The following RGS7 variants were observed in gnomAD, a reference collection of about 807,000 sequenced individuals.
The protein encoded by RGS7 is regulator of G protein signaling 7.
RGS7 carries 27 observed loss-of-function variants against 81.1 expected under a neutral mutation model. The observed-to-expected ratio is 0.33, with a 90% confidence interval of 0.25 to 0.46. The LOEUF (loss-of-function observed/expected upper bound fraction) is 0.46, where lower values mean the gene tolerates loss of function less well. Among genes scored for constraint, RGS7 ranks in the 20% least tolerant of loss-of-function variants. RGS7 has a pLI of 1.00. For missense variants in RGS7, 396 were observed against 607.4 expected (o/e 0.65, Z 3.66); for synonymous variants, 208 against 207.7 (o/e 1.00, Z -0.01).
intron 9 of RGS7, among the ~76,000 whole-genome samples, chr1:240,859,659 A>T (rs1290560958): frequency 6.6e-6 from 1 of 151,854 alleles, no homozygotes; most frequent in Non-Finnish European, 1.5e-5. Flanking sequence ...TTTCCAAAAA[A>T]AGTTTTGATT....
intron 2 of RGS7, among the ~76,000 whole-genome samples, chr1:241,159,335 G>A (rs778940969): frequency 1.3e-5 from 2 of 151,760 alleles, no homozygotes; most frequent in African/African-American, 4.8e-5. Context: ...CCTCCTAATC[G>A]CCATGTTTTC....
intron 2 of RGS7, among the ~76,000 whole-genome samples, chr1:241,127,290 A>G (rs565284131): frequency 4.6e-5 from 7 of 152,360 alleles, no homozygotes; most frequent in Admixed American, 1.3e-4. Flanking sequence ...CAATATAAAA[A>G]GTAACCATAT....
chr1:240,836,273 CCAAA>C (rs1216408389), intron 9 of RGS7, among the ~76,000 whole-genome samples: 4 of 152,068 alleles, frequency 2.6e-5, no homozygotes, highest in Admixed American at 6.5e-5. Context: ...TAAAAAGCAA[CCAAA>C]CAAACAACTC....
chr1:240,956,414 T>C (rs1680441516), intron 4 of RGS7, among the ~76,000 whole-genome samples: 1 of 149,342 alleles, frequency 6.7e-6, no homozygotes, highest in African/African-American at 2.5e-5. Context: ...TATGGGTTCA[T>C]GCTGATGTAA....
At chr1:241,244,528 C>G in intron 2 of RGS7, among the ~76,000 whole-genome samples, 1 of 152,144 alleles carries the variant, frequency 6.6e-6, no homozygotes, top group East Asian at 1.9e-4. Context: ...CTAGTTCAAC[C>G]ATTGTGGAAG....
chr1:241,226,160 G>A (rs2075297174), intron 2 of RGS7, among the ~76,000 whole-genome samples: 1 of 152,102 alleles, frequency 6.6e-6, no homozygotes, highest in East Asian at 1.9e-4. Context: ...AACAACATTG[G>A]CCAAAGAAAG....
At chr1:241,085,381 A>C (rs2063369983) in intron 3 of RGS7, among the ~76,000 whole-genome samples, 3 of 152,234 alleles carry the variant, frequency 2.0e-5, no homozygotes, top group African/African-American at 7.2e-5. Flanking sequence ...CATTGGTTTT[A>C]AGCTTGTACA....
intron 2 of RGS7, among the ~76,000 whole-genome samples, chr1:241,332,102 A>G (rs1057344292): frequency 6.6e-6 from 1 of 152,160 alleles, no homozygotes; most frequent in African/African-American, 2.4e-5. Flanking sequence ...TATTCCAAAG[A>G]GCACCGTGTA....
At chr1:240,835,845 A>G (rs76602187) in intron 9 of RGS7, among the ~76,000 whole-genome samples, 1 of 152,308 alleles carries the variant, frequency 6.6e-6, no homozygotes, top group African/African-American at 2.4e-5. Context: ...AAAGCCACAG[A>G]TTGTACGATT....
At chr1:241,054,601 G>C (rs144622893) in intron 3 of RGS7, among the ~76,000 whole-genome samples, 1 of 152,224 alleles carries the variant, frequency 6.6e-6, no homozygotes, top group Non-Finnish European at 1.5e-5. Context: ...TAATTCAAAC[G>C]TATAACATGT....
chr1:240,951,262 T>A (rs1263282032), intron 4 of RGS7, among the ~76,000 whole-genome samples: 1 of 151,898 alleles, frequency 6.6e-6, no homozygotes, highest in African/African-American at 2.4e-5. Context: ...GGCAAAAAAG[T>A]AAGAAAAACA....
intron 2 of RGS7, among the ~76,000 whole-genome samples, chr1:241,247,660 C>T (rs2076612220): frequency 6.6e-6 from 1 of 151,630 alleles, no homozygotes; most frequent in African/African-American, 2.4e-5. Flanking sequence ...TTGGATTTAA[C>T]TAGAATAACC....
intron 3 of RGS7, among the ~76,000 whole-genome samples, chr1:241,005,500 T>A (rs1288595798): frequency 7.9e-5 from 12 of 152,134 alleles, no homozygotes; most frequent in African/African-American, 2.9e-4. Context: ...AAATGAAATC[T>A]CACACTATGC....
chr1:240,835,800 C>T (rs970535825), intron 9 of RGS7, among the ~76,000 whole-genome samples: 12 of 152,242 alleles, frequency 7.9e-5, no homozygotes, highest in East Asian at 5.8e-4. Flanking sequence ...AGGAACCTTA[C>T]GTGCGTATTA....
intron 4 of RGS7, among the ~76,000 whole-genome samples, chr1:240,977,693 T>G (rs978361748): frequency 1.3e-5 from 2 of 152,128 alleles, no homozygotes; most frequent in Non-Finnish European, 2.9e-5. Context: ...CTCTAGGAGA[T>G]TACTCATAAA....
chr1:241,154,974 T>TA (rs894625028), intron 2 of RGS7, among the ~76,000 whole-genome samples: 10 of 151,936 alleles, frequency 6.6e-5, no homozygotes, highest in African/African-American at 2.4e-4. Flanking sequence ...AAAATCAAAA[T>TA]AAAATCAAGA....
At chr1:240,846,633 A>G (rs528327455) in intron 9 of RGS7, among the ~76,000 whole-genome samples, 3 of 152,176 alleles carry the variant, frequency 2.0e-5, no homozygotes, top group African/African-American at 7.2e-5. Context: ...AACAGTCCCT[A>G]TTGACCTCCT....
intron 9 of RGS7, among the ~76,000 whole-genome samples, chr1:240,853,822 A>T (rs1572423026): frequency 7.4e-6 from 1 of 135,926 alleles, no homozygotes; most frequent in South Asian, 2.6e-4. Context: ...AATGGCGTGA[A>T]CCCGGGAGGC....
intron 4 of RGS7, among the ~76,000 whole-genome samples, chr1:240,943,769 T>G (rs564622396): frequency 1.3e-5 from 2 of 152,216 alleles, no homozygotes; most frequent in South Asian, 4.1e-4. Flanking sequence ...CACGCTAGGT[T>G]TACAAAACCA....
Sources: gnomAD v4.1 joint callset for allele counts (sites outside exome capture counted in the v4.1 genomes callset) on GRCh38, gnomAD v4.1.1 for gene constraint, MANE v1.5 for transcripts, NCBI Gene and HGNC (gene_info 2026-07-23, HGNC 2026-07-21) for gene names.